GRID2: variants seen among roughly 807,000 people sequenced by gnomAD.
The protein encoded by GRID2 is glutamate receptor ionotropic, delta-2.
GRID2 carries 33 observed loss-of-function variants against 114.8 expected under a neutral mutation model. The observed-to-expected ratio is 0.29, with a 90% CI of 0.22 to 0.38. The LOEUF (loss-of-function observed/expected upper bound fraction) is 0.38, where lower values mean the gene tolerates loss of function less well. Ranked by LOEUF, GRID2 falls within the 10% of genes least tolerant of loss-of-function variation. The pLI, the probability that GRID2 is intolerant of heterozygous loss-of-function variation, is 1.00. For synonymous variants in GRID2, 505 were observed against 449.9 expected, an observed-to-expected ratio of 1.12 and a Z score of -1.55; for missense variants, 1,184 against 1,257.7, an observed-to-expected ratio of 0.94 and a Z score of 0.89.
At chr4:92,870,755 C>A (rs1745217199) in intron 2 of GRID2, among the ~76,000 whole-genome samples, 2 of 151,886 alleles carry the variant, frequency 1.3e-5, no homozygotes, top group African/African-American at 4.8e-5. Flanking sequence ...ATAGCACTAC[C>A]AAGGGGCAGG....
Position 93,422,872 on chromosome 4 carries a change from T to C in GRID2, c.1449T>C (p.Gly483=). The stretch of plus-strand genomic sequence containing the variant: ...TGGATGCCTTATCTAACTACCTGGG[T>C]TTTAACTACGAAATTTACGTAGCAC... ...DVLDALSNYL[G]FNYEIYVAPD... Residue 483 remains glycine (G), a synonymous_variant, in exon 10 of 16, where the codon GGT becomes GGC. Coordinates refer to ENST00000282020, the MANE Select transcript of GRID2 (RefSeq NM_001510.4). 1.9e-6 allele frequency: 3 copies of C among 1,613,444 alleles called. No homozygotes were observed.
intron 14 of GRID2, among the ~76,000 whole-genome samples, chr4:93,705,201 T>C (rs555382282): frequency 2.0e-5 from 3 of 152,348 alleles, no homozygotes; most frequent in African/African-American, 7.2e-5. Flanking sequence ...TCTCTGATGA[T>C]CAATGATGTT....
intron 2 of GRID2, among the ~76,000 whole-genome samples, chr4:92,642,448 T>C (rs1731402498): frequency 6.6e-6 from 1 of 151,920 alleles, no homozygotes. Context: ...TTTTGAAAAG[T>C]GTTGATGTCC....
At chr4:93,430,401 G>T (rs1248199530) in intron 10 of GRID2, among the ~76,000 whole-genome samples, 2 of 152,118 alleles carry the variant, frequency 1.3e-5, no homozygotes, top group Non-Finnish European at 1.5e-5. Context: ...GGATGGTCCT[G>T]AACTCCTGAC....
At chr4:92,556,995 C>T (rs1726883220) in intron 1 of GRID2, among the ~76,000 whole-genome samples, 1 of 152,156 alleles carries the variant, frequency 6.6e-6, no homozygotes, top group East Asian at 1.9e-4. Context: ...GGACATTTTA[C>T]CTTTTAGTTT....
chr4:93,099,831 G>T (rs1024944765), intron 3 of GRID2, among the ~76,000 whole-genome samples: 2 of 151,826 alleles, frequency 1.3e-5, no homozygotes, highest in Non-Finnish European at 2.9e-5. Flanking sequence ...GCATTCCTAA[G>T]AATCACAATG....
Position 92,380,509 on chromosome 4 carries a change from G to A in GRID2, c.88+75765G>A, listed in dbSNP as rs572979556. Among the ~76,000 whole-genome samples the A allele has an allele frequency of 4.6e-5, 7 of 151,688 alleles. No individual in the cohort carries two copies. In the East Asian group the frequency reaches 1.4e-3, roughly 29 times the overall value. On this transcript the variant is annotated intron_variant, in intron 1 of 15. Transcript: ENST00000282020. ...ACTCCACCTCTACATATTTGATTTG[G>A]CTCCATTTTTGTCTCATTTTTCTAT...
At chr4:93,189,525 T>G (rs545445567) in intron 4 of GRID2, among the ~76,000 whole-genome samples, 1 of 152,184 alleles carries the variant, frequency 6.6e-6, no homozygotes, top group Non-Finnish European at 1.5e-5. Flanking sequence ...TTTGGAGGGA[T>G]ACAAACATTC....
At chr4:92,754,292 A>G (rs544035247) in intron 2 of GRID2, among the ~76,000 whole-genome samples, 1 of 152,266 alleles carries the variant, frequency 6.6e-6, no homozygotes, top group African/African-American at 2.4e-5. Flanking sequence ...GAGTTGGGGA[A>G]AGATTAAGAT....
chr4:93,108,224 A>T (rs1228219930), intron 3 of GRID2, among the ~76,000 whole-genome samples: 2 of 152,224 alleles, frequency 1.3e-5, no homozygotes, highest in Admixed American at 6.5e-5. Flanking sequence ...CTACCAATGC[A>T]TTCATTGTTT....
Position 93,490,619 on chromosome 4 carries a change from C to G in GRID2, c.1859-20C>G. The G allele has an allele frequency of 6.3e-7, 1 of 1,590,250 alleles. No individual in the cohort carries two copies. Among genetic ancestry groups the G allele is most frequent in the Non-Finnish European group, 8.6e-7 (1 of 1,161,996 alleles). On this transcript the variant is annotated intron_variant, in intron 11 of 15. Coordinates refer to ENST00000282020, the MANE Select transcript of GRID2 (RefSeq NM_001510.4). ...AAATACTAGTTGATGTTCTTTTTAT[C>G]TCTTTGCTTCTTTCTACAGGCGGGG...
At chr4:92,712,696 A>C (rs1735314559) in intron 2 of GRID2, among the ~76,000 whole-genome samples, 1 of 152,158 alleles carries the variant, frequency 6.6e-6, no homozygotes, top group Non-Finnish European at 1.5e-5. Context: ...TCTCTTATTT[A>C]ATATGTTAAT....
At chr4:92,700,830 CAAA>C (rs1050336963) in intron 2 of GRID2, among the ~76,000 whole-genome samples, 3 of 151,790 alleles carry the variant, frequency 2.0e-5, no homozygotes, top group African/African-American at 7.3e-5. Context: ...GTCTCTGCTA[CAAA>C]TACAAAAAAT....
chr4:92,789,838 G>T (rs576151675), intron 2 of GRID2, among the ~76,000 whole-genome samples: 46 of 151,944 alleles, frequency 3.0e-4, no homozygotes, highest in African/African-American at 1.0e-3. Flanking sequence ...TATACTGTGT[G>T]CTCATATTTG....
At chr4:93,730,914 G>A (rs974813730) in intron 14 of GRID2, among the ~76,000 whole-genome samples, 2 of 152,196 alleles carry the variant, frequency 1.3e-5, no homozygotes, top group African/African-American at 2.4e-5. Flanking sequence ...GAGGCCTGAG[G>A]CCTTGACTGC....
chr4:93,521,346 C>T (rs1578181165), intron 13 of GRID2, among the ~76,000 whole-genome samples: 1 of 152,162 alleles, frequency 6.6e-6, no homozygotes, highest in South Asian at 2.1e-4. Context: ...AACATATAAA[C>T]ACAATTTAAT....
At chr4:92,783,863 G>C (rs960424335) in intron 2 of GRID2, among the ~76,000 whole-genome samples, 1 of 151,614 alleles carries the variant, frequency 6.6e-6, no homozygotes, top group African/African-American at 2.4e-5. Flanking sequence ...CTCTAGCCTG[G>C]GTGACAGAGT....
intron 2 of GRID2, among the ~76,000 whole-genome samples, chr4:92,624,087 T>A (rs1005057667): frequency 6.6e-6 from 1 of 151,886 alleles, no homozygotes; most frequent in African/African-American, 2.4e-5. Context: ...AGCAGCAACA[T>A]CATCACAATA....
chr4:93,571,736 T>A (rs1735948026), intron 13 of GRID2, among the ~76,000 whole-genome samples: 1 of 152,228 alleles, frequency 6.6e-6, no homozygotes, highest in Non-Finnish European at 1.5e-5. Context: ...GGAAAAGTAA[T>A]GCATAGTAAT....
Sources: gnomAD v4.1 joint callset for allele counts (sites outside exome capture counted in the v4.1 genomes callset) on GRCh38, gnomAD v4.1.1 for gene constraint, MANE v1.5 for transcripts, NCBI Gene and HGNC (gene_info 2026-07-23, HGNC 2026-07-21) for gene names.